PDE3A: variants seen among roughly 807,000 people sequenced by gnomAD.
PDE3A encodes the protein cGMP-inhibited 3',5'-cyclic phosphodiesterase 3A.
PDE3A carries 43 observed loss-of-function variants against 98.3 expected under a neutral mutation model. The observed-to-expected ratio is 0.44, with a 90% confidence interval of 0.34 to 0.56. The LOEUF (loss-of-function observed/expected upper bound fraction) is 0.56, where lower values mean the gene tolerates loss of function less well. Ranked by LOEUF, PDE3A falls within the 20% of genes least tolerant of loss-of-function variation. The probability of loss-of-function intolerance (pLI) is 0.01; values close to 1 mark genes in which losing one functional copy is unlikely to be tolerated. For missense variants in PDE3A, 1,427 were observed against 1,440.7 expected, an observed-to-expected ratio of 0.99 and a Z score of 0.15; for synonymous variants, 663 against 567.9, an observed-to-expected ratio of 1.17 and a Z score of -2.38.
chr12:20,607,000 G>A (rs193105750), intron 2 of PDE3A, among the ~76,000 whole-genome samples: 48 of 152,114 alleles, frequency 3.2e-4, no homozygotes, highest in African/African-American at 1.1e-3. Flanking sequence ...TTTATGATGA[G>A]TGAAATAACT....
intron 8 of PDE3A, among the ~76,000 whole-genome samples, chr12:20,635,532 C>T (rs1449961063): frequency 2.0e-5 from 3 of 149,530 alleles, no homozygotes; most frequent in South Asian, 4.2e-4. Flanking sequence ...GAGCCAAGAT[C>T]GTGCCATTGC....
chr12:20,650,458 T>C lies in PDE3A; in HGVS notation c.2783T>C (p.Val928Ala). 6.2e-7 allele frequency: 1 copy of C among 1,606,494 alleles called. No homozygotes were observed. The change falls in exon 14 of 16, where the codon GTT becomes GCT. Residue 928 changes from valine (V) to alanine (A), a missense_variant. Val to Ala is a moderately conservative substitution (Grantham distance 64). Coordinates refer to ENST00000359062, the MANE Select transcript of PDE3A (RefSeq NM_000921.5). ...TCTCTCAAATAGGTAAATGATGATG[T>C]TGGAATAGATTGGACCAATGAAAAT... ...AKFNGKVNDD[V>A]GIDWTNENDR...
chr12:20,402,645 T>G (rs1364000133), intron 1 of PDE3A, among the ~76,000 whole-genome samples: 18 of 152,194 alleles, frequency 1.2e-4, no homozygotes. Context: ...GAATATAAAT[T>G]TATTGGTATT....
intron 2 of PDE3A, among the ~76,000 whole-genome samples, chr12:20,588,435 A>G (rs778893655): frequency 1.3e-5 from 2 of 152,188 alleles, no homozygotes; most frequent in Admixed American, 6.5e-5. Context: ...CTCAGCTTCA[A>G]TTAGGACTAT....
At chr12:20,617,045 ATTATAC>A (rs901017599) in intron 4 of PDE3A, among the ~76,000 whole-genome samples, 7 of 152,218 alleles carry the variant, frequency 4.6e-5, no homozygotes, top group Admixed American at 6.5e-5. Flanking sequence ...GAATAAAAAT[ATTATAC>A]TTATCTTACT....
intron 1 of PDE3A, chr12:20,449,651 G>A (rs990638318): frequency 1.2e-5 from 5 of 420,344 alleles, no homozygotes; most frequent in Admixed American, 3.4e-5. Flanking sequence ...TCTACAAGTC[G>A]CTTTTCCCCC....
intron 2 of PDE3A, among the ~76,000 whole-genome samples, chr12:20,577,798 C>A (rs987962830): frequency 3.9e-5 from 6 of 152,260 alleles, no homozygotes; most frequent in South Asian, 2.1e-4. Flanking sequence ...AATGTGCAGT[C>A]ATTTTATTTA....
chr12:20,631,700 A>ATTTTTTTTTTTTTTTT (rs58133440), intron 6 of PDE3A, among the ~76,000 whole-genome samples: 1 of 116,876 alleles, frequency 8.6e-6, no homozygotes, highest in Non-Finnish European at 1.8e-5. Context: ...ATCATAGTGT[A>ATTTTTTTTTTTTTTTT]TTTTTTTTTT....
At chr12:20,527,241 A>G (rs550329721) in intron 1 of PDE3A, among the ~76,000 whole-genome samples, 1 of 152,234 alleles carries the variant, frequency 6.6e-6, no homozygotes, top group Admixed American at 6.5e-5. Context: ...GTTTTTTAAC[A>G]TAATGAATAC....
intron 1 of PDE3A, among the ~76,000 whole-genome samples, chr12:20,476,555 G>A (rs901317097): frequency 6.6e-6 from 1 of 152,180 alleles, no homozygotes; most frequent in African/African-American, 2.4e-5. Context: ...CATATAGTTA[G>A]TGTGTCTTGA....
intron 1 of PDE3A, among the ~76,000 whole-genome samples, chr12:20,500,049 C>G (rs1035500771): frequency 2.6e-5 from 4 of 152,150 alleles, no homozygotes; most frequent in African/African-American, 9.7e-5. Flanking sequence ...TCCTTCACTG[C>G]CGAAGAAGCA....
chr12:20,643,982 G>A (rs1443312771), intron 10 of PDE3A, among the ~76,000 whole-genome samples: 4 of 152,068 alleles, frequency 2.6e-5, no homozygotes, highest in African/African-American at 9.7e-5. Flanking sequence ...AACAGGCTCT[G>A]CCAACACTGT....
chr12:20,394,579 T>C (rs1047699436), intron 1 of PDE3A, among the ~76,000 whole-genome samples: 1 of 152,108 alleles, frequency 6.6e-6, no homozygotes, highest in African/African-American at 2.4e-5. Flanking sequence ...TAAATAGCTA[T>C]CAGAGAAGCA....
At chr12:20,589,274 T>C (rs1249989296) in intron 2 of PDE3A, among the ~76,000 whole-genome samples, 1 of 152,034 alleles carries the variant, frequency 6.6e-6, no homozygotes. Flanking sequence ...GTTAATTGAA[T>C]AAATTGACTT....
At chr12:20,429,545 C>T (rs1276207108) in intron 1 of PDE3A, among the ~76,000 whole-genome samples, 1 of 152,080 alleles carries the variant, frequency 6.6e-6, no homozygotes, top group African/African-American at 2.4e-5. Flanking sequence ...TCTCCTAAGC[C>T]TAGAGCAATC....
At chr12:20,635,141 C>G (rs1944472088) in intron 8 of PDE3A, 85 bp downstream of exon 8, 5 of 1,287,504 alleles carry the variant, frequency 3.9e-6, no homozygotes, top group Non-Finnish European at 5.4e-6. Context: ...ATCTTTGAGG[C>G]CAGGCAAGGT....
chr12:20,561,688 C>T (rs914301380), intron 2 of PDE3A, among the ~76,000 whole-genome samples: 5 of 151,934 alleles, frequency 3.3e-5, no homozygotes, highest in Non-Finnish European at 5.9e-5. Context: ...TGGCTTCTCC[C>T]GGGATACTTA....
rs1945768548 is a variant in PDE3A at position 20,681,020 on chromosome 12, G to A, written c.*749G>A. On this transcript the variant is annotated 3_prime_UTR_variant, in exon 16 of 16. Coordinates refer to ENST00000359062, the MANE Select transcript of PDE3A (RefSeq NM_000921.5). ...AACAGAAGGAAGTTCACTCTGGAGT[G>A]TCTTTGGGAGGCAGCCATTCCAAAT... The A allele has an allele frequency of 6.6e-6, 1 of 152,106 alleles. No individual in the cohort carries two copies. Among genetic ancestry groups the A allele is most frequent in the African/African-American group, 2.4e-5 (1 of 41,408 alleles). 9.4% of individuals were successfully genotyped at this position (152,106 alleles called of 1,614,324 possible). A position where few individuals can be genotyped will look rare whatever the true frequency, so the allele number is the denominator to read the frequency against.
At chr12:20,491,665 G>A (rs1407932673) in intron 1 of PDE3A, among the ~76,000 whole-genome samples, 4 of 152,034 alleles carry the variant, frequency 2.6e-5, no homozygotes. Flanking sequence ...CATCATACTG[G>A]GTAACAAACC....
Sources: gnomAD v4.1 joint callset for allele counts (sites outside exome capture counted in the v4.1 genomes callset) on GRCh38, gnomAD v4.1.1 for gene constraint, MANE v1.5 for transcripts, NCBI Gene and HGNC (gene_info 2026-07-23, HGNC 2026-07-21) for gene names.